Variants in PCLO observed in about 807,000 individuals in gnomAD.
The protein encoded by PCLO is piccolo presynaptic cytomatrix protein.
A neutral mutation model predicts 427.5 loss-of-function variants in PCLO; 82 were observed. That is an observed-to-expected ratio of 0.19 (90% CI 0.16 to 0.23). The LOEUF (loss-of-function observed/expected upper bound fraction) is 0.23. Ranked by LOEUF, PCLO falls within the 10% of genes least tolerant of loss-of-function variation. The pLI, the probability that PCLO is intolerant of heterozygous loss-of-function variation, is 1.00. For synonymous variants in PCLO, 2,357 were observed against 2,155.4 expected (o/e 1.09, Z -2.59); for missense variants, 6,239 against 6,115.9 (o/e 1.02, Z -0.67).
intron 22 of PCLO, among the ~76,000 whole-genome samples, chr7:82,762,955 T>G (rs1440025275): frequency 6.6e-6 from 1 of 152,020 alleles, no homozygotes; most frequent in Non-Finnish European, 1.5e-5. Flanking sequence ...CTTTTTTCCT[T>G]TTAGAGATAG....
chr7:83,046,364 T>C (rs1290464603), intron 3 of PCLO, among the ~76,000 whole-genome samples: 5 of 152,104 alleles, frequency 3.3e-5, no homozygotes, highest in Admixed American at 6.6e-5. Flanking sequence ...AACTTGTATT[T>C]ATTCTCTGTT....
intron 10 of PCLO, 93 bp downstream of exon 10, chr7:82,879,244 A>G: frequency 8.8e-7 from 1 of 1,134,334 alleles, no homozygotes; most frequent in South Asian, 1.8e-5. Context: ...GTTTACCTAC[A>G]CAGAGAAGGA....
intron 22 of PCLO, among the ~76,000 whole-genome samples, chr7:82,768,330 C>T (rs936819868): frequency 3.3e-5 from 5 of 150,848 alleles, no homozygotes; most frequent in African/African-American, 7.3e-5. Context: ...GACTGAGGCA[C>T]GAGAATTGCC....
chr7:82,870,150 A>G (rs1414046920), intron 10 of PCLO, among the ~76,000 whole-genome samples: 5 of 152,090 alleles, frequency 3.3e-5, no homozygotes, highest in Non-Finnish European at 5.9e-5. Context: ...TTAAGTGAAA[A>G]GAACAAAGCT....
At position 82,888,612 on chromosome 7, in the gene PCLO, A is replaced by T. The variant is rs188395125; in HGVS notation, c.13529-9150T>A. ...TGAAGCAAACAAAACAAATCTTTTTAAAAAAAAGACTTAATAAACGAAGCT... is the reference window on the plus strand; with the variant it reads ...TGAAGCAAACAAAACAAATCTTTTTTAAAAAAAGACTTAATAAACGAAGCT... On this transcript the variant is annotated intron_variant, in intron 9 of 24. Coordinates refer to ENST00000333891, the MANE Select transcript of PCLO (RefSeq NM_033026.6). 1.7e-3 allele frequency among the ~76,000 whole-genome samples: 258 copies of T among 151,976 alleles called. 1 individual carries two copies. The highest frequency in any genetic ancestry group is 6.4e-3 in the South Asian group (31 of 4,808).
At chr7:82,860,268 A>G (rs1792919119) in intron 10 of PCLO, among the ~76,000 whole-genome samples, 1 of 151,866 alleles carries the variant, frequency 6.6e-6, no homozygotes, top group Non-Finnish European at 1.5e-5. Context: ...AACTACCTAA[A>G]GGCATTTAAT....
chr7:82,914,471 C>A, intron 7 of PCLO: 1 of 628,758 alleles, frequency 1.6e-6, no homozygotes, highest in Admixed American at 2.8e-5. Flanking sequence ...AGAAACAGAA[C>A]AATAAAGGAA....
At chr7:82,845,250 G>A in intron 13 of PCLO, 21 bp downstream of exon 13, 8 of 1,565,746 alleles carry the variant, frequency 5.1e-6, no homozygotes, top group Non-Finnish European at 7.0e-6. Flanking sequence ...GTGGGTCAGA[G>A]GTCACATCAA....
chr7:82,897,416 G>A (rs74352831), intron 9 of PCLO, among the ~76,000 whole-genome samples: 1 of 151,366 alleles, frequency 6.6e-6, no homozygotes, highest in Non-Finnish European at 1.5e-5. Flanking sequence ...GAAGATTACA[G>A]GTCTGTGTTT....
At chr7:82,798,237 C>T (rs190529758) in intron 22 of PCLO, among the ~76,000 whole-genome samples, 7 of 152,168 alleles carry the variant, frequency 4.6e-5, no homozygotes, top group Admixed American at 2.0e-4. Flanking sequence ...TGAAGTGGAA[C>T]ATTTCAAGGA....
chr7:83,104,333 G>A (rs1047741649), intron 3 of PCLO, among the ~76,000 whole-genome samples: 1 of 151,990 alleles, frequency 6.6e-6, no homozygotes, highest in African/African-American at 2.4e-5. Flanking sequence ...GGCGGAATAA[G>A]CAAAGTGATT....
intron 3 of PCLO, among the ~76,000 whole-genome samples, chr7:83,003,723 T>G (rs1006255916): frequency 1.3e-5 from 2 of 151,852 alleles, no homozygotes; most frequent in African/African-American, 4.8e-5. Context: ...ATCCTTTTAA[T>G]ATGCTGTTGA....
At chr7:82,792,008 A>G (rs971552277) in intron 22 of PCLO, among the ~76,000 whole-genome samples, 5 of 152,024 alleles carry the variant, frequency 3.3e-5, no homozygotes, top group Non-Finnish European at 7.4e-5. Context: ...AAAAACTTTG[A>G]ATTTCATAGA....
intron 9 of PCLO, among the ~76,000 whole-genome samples, 155 bp downstream of exon 9, chr7:82,902,496 C>T (rs1482156299): frequency 6.6e-6 from 1 of 151,802 alleles, no homozygotes; most frequent in African/African-American, 2.4e-5. Flanking sequence ...TTAATGGGTG[C>T]AGCACACCAG....
At chr7:83,130,856 A>C (rs1206191592) in intron 3 of PCLO, among the ~76,000 whole-genome samples, 1 of 152,230 alleles carries the variant, frequency 6.6e-6, no homozygotes, top group Non-Finnish European at 1.5e-5. Flanking sequence ...TACATTATTT[A>C]GGCCATGCAC....
In PCLO at chr7:82,950,652, A is replaced by C; in HGVS notation, c.9936T>G (p.Ile3312Met). The change falls in exon 6 of 25, where the codon ATT becomes ATG. Residue 3312 changes from isoleucine to methionine, a missense_variant. Coordinates refer to ENST00000333891, the MANE Select transcript of PCLO (RefSeq NM_033026.6). ...CATAGTTATACTGGTAGATCTGCCG[A>C]ATCTTTTGCTCCTCCAGCTGCTGGT... ...QLHQQLEEQK[I>M]RQIYQYNYDP... The C allele has an allele frequency of 5.0e-6, 8 of 1,613,694 alleles. No homozygotes were observed. Among genetic ancestry groups the C allele is most frequent in the Non-Finnish European group, 6.8e-6 (8 of 1,179,790 alleles).
intron 3 of PCLO, among the ~76,000 whole-genome samples, chr7:83,057,317 CATATATATATATATATATAT>C (rs1236982874): frequency 3.9e-5 from 1 of 25,874 alleles, no homozygotes; most frequent in Non-Finnish European, 6.2e-5. Context: ...ATTATATATA[CATATATATATATATATATAT>C]ATATATATAT....
At chr7:82,930,240 C>T (rs1335223370) in intron 6 of PCLO, among the ~76,000 whole-genome samples, 2 of 152,106 alleles carry the variant, frequency 1.3e-5, no homozygotes, top group South Asian at 4.1e-4. Flanking sequence ...AACACAAGTA[C>T]ACGTATGTCC....
chr7:82,805,879 A>G, intron 20 of PCLO, 50 bp from the exon 21 acceptor site: 1 of 1,533,960 alleles, frequency 6.5e-7, no homozygotes, highest in East Asian at 2.4e-5. Context: ...TGAAGCTGAC[A>G]TTGATCTACA....
Sources: allele counts gnomAD v4.1 joint callset (sites outside exome capture counted in the v4.1 genomes callset), GRCh38; gene constraint gnomAD v4.1.1; transcripts MANE v1.5; gene names NCBI Gene and HGNC (gene_info 2026-07-23, HGNC 2026-07-21).